The following RAD51B variants were observed in gnomAD, a reference collection of about 807,000 sequenced individuals.
The protein encoded by RAD51B is RAD51 paralog B.
In RAD51B, 38 loss-of-function variants were observed where a neutral mutation model predicts 42.2. The observed-to-expected ratio is 0.90, with a 90% CI of 0.70 to 1.18. The LOEUF is 1.18. Among genes scored for constraint, RAD51B ranks in the 50% most tolerant of loss-of-function variants. The pLI is 0.00. For missense variants in RAD51B, 373 were observed against 400.7 expected (o/e 0.93, Z 0.59); for synonymous variants, 154 against 145.2 (o/e 1.06, Z -0.43).
At chr14:68,183,335 A>C (rs1239464975) in intron 7 of RAD51B, among the ~76,000 whole-genome samples, 2 of 146,498 alleles carry the variant, frequency 1.4e-5, no homozygotes, top group Admixed American at 1.4e-4. Flanking sequence ...CTGATGTTCA[A>C]GCGCAGGAAG....
At chr14:68,029,799 G>C (rs73284237) in intron 7 of RAD51B, among the ~76,000 whole-genome samples, 2 of 152,164 alleles carry the variant, frequency 1.3e-5, no homozygotes, top group Non-Finnish European at 2.9e-5. Flanking sequence ...AGACGAATCC[G>C]TATCTGTGGC....
chr14:67,822,062 T>A (rs558511331), intron 1 of RAD51B: 1 of 152,100 alleles, frequency 6.6e-6, no homozygotes, highest in Non-Finnish European at 1.5e-5. Flanking sequence ...AAATAGAAAT[T>A]TGGGCCATGG....
At chr14:68,449,245 A>G (rs1228661020) in intron 9 of RAD51B, among the ~76,000 whole-genome samples, 2 of 152,190 alleles carry the variant, frequency 1.3e-5, no homozygotes, top group African/African-American at 4.8e-5. Flanking sequence ...GTTTCAAACC[A>G]AAGAGGTAGC....
intron 10 of RAD51B, among the ~76,000 whole-genome samples, chr14:68,522,494 C>T (rs895434260): frequency 1.3e-5 from 2 of 152,132 alleles, no homozygotes; most frequent in African/African-American, 4.8e-5. Flanking sequence ...GGAATGGAGC[C>T]GCTGGAAGGC....
downstream of RAD51B, among the ~76,000 whole-genome samples, chr14:68,614,647 C>G (rs1891789054): frequency 1.3e-5 from 2 of 152,296 alleles, no homozygotes; most frequent in Middle Eastern, 6.8e-3. Context: ...TTTCAGTGAG[C>G]ATAGTGTTTT....
chr14:68,466,560 G>C (rs915907845), intron 9 of RAD51B, among the ~76,000 whole-genome samples: 15 of 152,314 alleles, frequency 9.8e-5, no homozygotes, highest in African/African-American at 3.1e-4. Flanking sequence ...AAGCCACCCA[G>C]CTTCCCTCTC....
At chr14:68,586,414 G>A (rs1181656535) in intron 10 of RAD51B, among the ~76,000 whole-genome samples, 1 of 152,156 alleles carries the variant, frequency 6.6e-6, no homozygotes, top group Non-Finnish European at 1.5e-5. Context: ...CCCTTGTGCC[G>A]ATCGGTTCCA....
chr14:67,914,544 A>G (rs2044089342), intron 7 of RAD51B, among the ~76,000 whole-genome samples: 1 of 152,102 alleles, frequency 6.6e-6, no homozygotes. Flanking sequence ...CTTTTTTGCC[A>G]TGCATAAATT....
In RAD51B at chr14:68,232,452, C is replaced by T. The variant is rs933986885; in HGVS notation, c.757-59432C>T. On this transcript the variant is annotated intron_variant, in intron 7 of 10. Coordinates refer to ENST00000471583, the MANE Select transcript of RAD51B (RefSeq NM_133510.4). ...CTGGCCTAAAAAAGGAGCAGACCCACCTAACTTTTTGCCAAGCACTGTGCT... is the reference window on the plus strand; with the variant it reads ...CTGGCCTAAAAAAGGAGCAGACCCATCTAACTTTTTGCCAAGCACTGTGCT... Among the ~76,000 whole-genome samples the T allele has an allele frequency of 3.9e-5, 6 of 152,304 alleles. No homozygotes were observed. In the South Asian group the frequency reaches 1.2e-3, roughly 32 times the overall value.
chr14:68,184,287 G>A (rs2079112090), intron 7 of RAD51B, among the ~76,000 whole-genome samples: 1 of 152,066 alleles, frequency 6.6e-6, no homozygotes, highest in Admixed American at 6.5e-5. Context: ...CCAGGCTGGA[G>A]TGCAGTGGTG....
chr14:68,412,043 C>T (rs17105573), intron 9 of RAD51B, among the ~76,000 whole-genome samples: 9,536 of 152,174 alleles, frequency 0.063, 609 homozygotes, highest in African/African-American at 0.16. Flanking sequence ...AATGGTTGGT[C>T]ACTTTCTCAG....
At chr14:68,316,663 T>C (rs1458219378) in intron 8 of RAD51B, among the ~76,000 whole-genome samples, 1 of 152,162 alleles carries the variant, frequency 6.6e-6, no homozygotes, top group Non-Finnish European at 1.5e-5. Flanking sequence ...TACAGGGCTG[T>C]TTACATTTGG....
chr14:67,979,058 A>G (rs1343222503), intron 7 of RAD51B, among the ~76,000 whole-genome samples: 1 of 152,230 alleles, frequency 6.6e-6, no homozygotes, highest in East Asian at 1.9e-4. Flanking sequence ...AAGGAGAAGA[A>G]AAGAAAGTAT....
intron 8 of RAD51B, among the ~76,000 whole-genome samples, chr14:68,394,451 G>A (rs2083853434): frequency 6.6e-6 from 1 of 152,196 alleles, no homozygotes; most frequent in African/African-American, 2.4e-5. Flanking sequence ...GGCTGACTCA[G>A]TCCTCTGAAA....
At chr14:68,138,784 A>G in intron 7 of RAD51B, among the ~76,000 whole-genome samples, 1 of 152,208 alleles carries the variant, frequency 6.6e-6, no homozygotes, top group East Asian at 1.9e-4. Context: ...GTGAGCTTAC[A>G]CTGAACAGAC....
intron 7 of RAD51B, among the ~76,000 whole-genome samples, chr14:67,953,311 G>A (rs907734341): frequency 1.3e-5 from 2 of 152,148 alleles, no homozygotes; most frequent in Admixed American, 6.6e-5. Context: ...GGCAAAGATG[G>A]AGCAGAGGTG....
At chr14:68,345,644 G>A (rs916755250) in intron 8 of RAD51B, among the ~76,000 whole-genome samples, 1 of 151,676 alleles carries the variant, frequency 6.6e-6, no homozygotes, top group Non-Finnish European at 1.5e-5. Context: ...TAAGCTCAGC[G>A]TCAGGTGTTT....
intron 7 of RAD51B, among the ~76,000 whole-genome samples, chr14:68,039,716 G>A (rs936072255): frequency 5.9e-5 from 9 of 152,140 alleles, no homozygotes; most frequent in African/African-American, 2.2e-4. Flanking sequence ...ACATCAGGAA[G>A]CCTTTTATAG....
At chr14:68,272,473 A>G (rs748281134) in intron 7 of RAD51B, among the ~76,000 whole-genome samples, 2 of 151,336 alleles carry the variant, frequency 1.3e-5, no homozygotes, top group East Asian at 1.9e-4. Flanking sequence ...AAATAAATGT[A>G]TATGACAAAT....
Sources: gnomAD v4.1 joint callset for allele counts (sites outside exome capture counted in the v4.1 genomes callset) on GRCh38, gnomAD v4.1.1 for gene constraint, MANE v1.5 for transcripts, NCBI Gene and HGNC (gene_info 2026-07-23, HGNC 2026-07-21) for gene names.